RXRA: variants seen among roughly 807,000 people sequenced by gnomAD.
RXRA encodes the protein retinoid X receptor alpha, also known as retinoic acid receptor RXR-alpha.
RXRA carries 5 observed loss-of-function variants against 44.5 expected under a neutral mutation model. The observed-to-expected ratio is 0.11, with a 90% CI of 0.06 to 0.24. The LOEUF (loss-of-function observed/expected upper bound fraction) is 0.24, where lower values mean the gene tolerates loss of function less well. Among genes scored for constraint, RXRA ranks in the 10% least tolerant of loss-of-function variants. RXRA has a pLI of 1.00. For synonymous variants in RXRA, 291 were observed against 271.4 expected (o/e 1.07, Z -0.71); for missense variants, 412 against 646.5 (o/e 0.64, Z 3.93).
In RXRA at chr9:134,424,938, T is replaced by C. The variant is rs950869062; in HGVS notation, c.910+3133T>C. On this transcript the variant is annotated intron_variant, in intron 6 of 9. Transcript: ENST00000481739. ...CCAGGGCCACTGAGTGCTCCCCCATTATGTCCCTGTGCTAGGCCCTCCCAC... is the reference window on the plus strand; with the variant it reads ...CCAGGGCCACTGAGTGCTCCCCCATCATGTCCCTGTGCTAGGCCCTCCCAC... 9.1e-6 allele frequency: 9 copies of C among 985,280 alleles called. No homozygotes were observed. The African/African-American group carries it at 1.4e-4, about 15-fold the overall frequency. 61.0% of individuals were successfully genotyped at this position (985,280 alleles called of 1,614,324 possible). A position where few individuals can be genotyped will look rare whatever the true frequency, so the allele number is the denominator to read the frequency against.
intron 1 of RXRA, among the ~76,000 whole-genome samples, chr9:134,359,003 A>G (rs370012239): frequency 5.3e-4 from 80 of 152,288 alleles, no homozygotes; most frequent in African/African-American, 1.7e-3. Flanking sequence ...GGAAGGCTCA[A>G]CAGGGTCCAG....
chr9:134,374,583 CA>C (rs1830529943), intron 1 of RXRA, among the ~76,000 whole-genome samples: 1 of 152,366 alleles, frequency 6.6e-6, no homozygotes, highest in South Asian at 2.1e-4. Flanking sequence ...ACCAAACCCC[CA>C]CAACCTCCAC....
At chr9:134,379,423 T>G (rs1271723911) in intron 1 of RXRA, 30 of 987,356 alleles carry the variant, frequency 3.0e-5, no homozygotes, top group Admixed American at 1.2e-4. Context: ...CTCCCTTCAC[T>G]TCCTGGCCAT....
In RXRA at chr9:134,438,818, T is replaced by G. The variant is rs35008428; in HGVS notation, c.*2204T>G. The G allele has an allele frequency of 0.011, 1,649 of 151,200 alleles. 27 individuals carry two copies. Among genetic ancestry groups the G allele is most frequent in the African/African-American group, 0.038 (1,564 of 41,022 alleles). 9.4% of individuals were successfully genotyped at this position (151,200 alleles called of 1,614,324 possible). Reference sequence around the variant, plus strand: ...CCTCCGTTGCGGGGGGTCGGCTGCTTCTTGGGAACTTTGTCGTTTCCGGCG... The same window carrying G: ...CCTCCGTTGCGGGGGGTCGGCTGCTGCTTGGGAACTTTGTCGTTTCCGGCG... On this transcript the variant is annotated 3_prime_UTR_variant, in exon 10 of 10. Coordinates refer to ENST00000481739, the MANE Select transcript of RXRA (RefSeq NM_002957.6).
At chr9:134,428,098 C>G (rs189919277) in intron 6 of RXRA, among the ~76,000 whole-genome samples, 7 of 152,158 alleles carry the variant, frequency 4.6e-5, no homozygotes, top group Admixed American at 3.9e-4. Flanking sequence ...TCTTCCTCCC[C>G]GATGCCTGCT....
At chr9:134,429,335 C>T in intron 7 of RXRA, 95 bp downstream of exon 7, 1 of 1,316,586 alleles carries the variant, frequency 7.6e-7, no homozygotes, top group Non-Finnish European at 1.1e-6. Context: ...CACATCCTGC[C>T]TAGTATTATT....
chr9:134,367,152 AC>A (rs915487855), intron 1 of RXRA, among the ~76,000 whole-genome samples: 11 of 152,084 alleles, frequency 7.2e-5, no homozygotes, highest in African/African-American at 2.4e-4. Flanking sequence ...AAGCACTTCC[AC>A]CAACCCCCCA....
chr9:134,348,438 T>G (rs1179428686), intron 1 of RXRA, among the ~76,000 whole-genome samples: 1 of 152,144 alleles, frequency 6.6e-6, no homozygotes, highest in South Asian at 2.1e-4. Context: ...TCAGGCTGGC[T>G]GAGAGGGTCC....
At chr9:134,344,807 CT>C (rs1165138560) in intron 1 of RXRA, among the ~76,000 whole-genome samples, 1 of 152,224 alleles carries the variant, frequency 6.6e-6, no homozygotes, top group Non-Finnish European at 1.5e-5. Context: ...CCGTAGGAGA[CT>C]TTCTGAGCTT....
intron 1 of RXRA, among the ~76,000 whole-genome samples, chr9:134,376,844 G>A (rs1830564231): frequency 6.6e-6 from 1 of 152,234 alleles, no homozygotes; most frequent in Admixed American, 6.5e-5. Context: ...GTCTCAGGAG[G>A]GAGGGAAGGG....
chr9:134,367,440 C>T (rs1397507024), intron 1 of RXRA, among the ~76,000 whole-genome samples: 2 of 152,226 alleles, frequency 1.3e-5, no homozygotes, highest in Admixed American at 6.5e-5. Flanking sequence ...GTTTCTCTTG[C>T]GTCCCCACAT....
intron 1 of RXRA, among the ~76,000 whole-genome samples, chr9:134,378,356 C>T (rs543735312): frequency 6.6e-6 from 1 of 152,184 alleles, no homozygotes; most frequent in Non-Finnish European, 1.5e-5. Flanking sequence ...TGCCGGCCAG[C>T]GCCTGTGTGC....
chr9:134,369,106 T>TGCC (rs1830456072), intron 1 of RXRA, among the ~76,000 whole-genome samples: 2 of 38,870 alleles, frequency 5.1e-5, no homozygotes, highest in African/African-American at 2.4e-4. Flanking sequence ...TGTGTGTGTG[T>TGCC]GGGGTTGTGT....
intron 1 of RXRA, chr9:134,379,633 C>T: frequency 2.0e-6 from 2 of 985,362 alleles, no homozygotes; most frequent in Non-Finnish European, 1.2e-6. Flanking sequence ...CCCTCCTGCT[C>T]CAGCCCCTCT....
chr9:134,351,843 T>C (rs1299786005), intron 1 of RXRA, among the ~76,000 whole-genome samples: 2 of 152,198 alleles, frequency 1.3e-5, no homozygotes, highest in African/African-American at 4.8e-5. Context: ...GAGAGATTTA[T>C]GGAGGCCACG....
chr9:134,332,648 G>A (rs62576297), intron 1 of RXRA, among the ~76,000 whole-genome samples: 58,096 of 151,682 alleles, frequency 0.38, 12,583 homozygotes, highest in African/African-American at 0.59. Flanking sequence ...TGTGAGGTGA[G>A]GCTGGGTAGG....
rs772938265 is a variant in RXRA, at chr9:134,417,180, T to C, written c.633T>C (p.Arg211=). Residue 211 remains arginine (R), a synonymous_variant, in exon 5 of 10, where the codon CGT becomes CGC. Transcript: ENST00000481739. This position sits in a 1 kb window ranked among gnomAD's most constrained non-coding sequence, Gnocchi z 6.1. ...KREAVQEERQ[R]GKDRNENEVE... Reference sequence around the variant, plus strand: ...TAGCCGTGCAGGAGGAGCGGCAGCGTGGCAAGGACCGGAACGAGAATGAGG... The same window carrying C: ...TAGCCGTGCAGGAGGAGCGGCAGCGCGGCAAGGACCGGAACGAGAATGAGG... 3.1e-6 allele frequency: 5 copies of C among 1,612,542 alleles called. No individual in the cohort carries two copies. The highest frequency in any genetic ancestry group is 3.4e-6 in the Non-Finnish European group (4 of 1,179,880).
At chr9:134,408,667 C>G (rs377420702) in intron 3 of RXRA, among the ~76,000 whole-genome samples, 53 of 152,348 alleles carry the variant, frequency 3.5e-4, no homozygotes, top group African/African-American at 1.1e-3. Flanking sequence ...GAGGGAAGAA[C>G]GGGCTGCACA....
intron 5 of RXRA, among the ~76,000 whole-genome samples, chr9:134,420,660 C>T (rs1298543010): frequency 6.6e-6 from 1 of 152,242 alleles, no homozygotes; most frequent in Admixed American, 6.5e-5. Context: ...TTCTCCTTGG[C>T]AGATGCCCTG....
Sources: gnomAD v4.1 joint callset for allele counts (sites outside exome capture counted in the v4.1 genomes callset) on GRCh38, gnomAD v4.1.1 for gene constraint, Gnocchi (gnomAD v3.1) non-coding constraint, MANE v1.5 for transcripts, NCBI Gene and HGNC (gene_info 2026-07-23, HGNC 2026-07-21) for gene names.